CYB5R4: variants seen among roughly 807,000 people sequenced by gnomAD.
CYB5R4 encodes the protein N-terminal cytochrome b5 and cytochrome b5 oxidoreductase domain-containing protein.
Under a neutral mutation model 70.2 loss-of-function variants are expected in CYB5R4, and 55 were observed. The observed-to-expected ratio is 0.78, with a 90% confidence interval of 0.63 to 0.98. CYB5R4 has a LOEUF of 0.98. Among genes scored for constraint, CYB5R4 ranks in the 50% least tolerant of loss-of-function variants. The probability of loss-of-function intolerance (pLI) is 0.00; values close to 1 mark genes in which losing one functional copy is unlikely to be tolerated. For synonymous variants in CYB5R4, 197 were observed against 199.5 expected, an observed-to-expected ratio of 0.99 and a Z score of 0.11; for missense variants, 562 against 612.6, an observed-to-expected ratio of 0.92 and a Z score of 0.87.
At position 83,909,093 on chromosome 6, in the gene CYB5R4, A is replaced by G. The variant is rs1456722938; in HGVS notation, c.412+3A>G. 1 of 1,613,370 alleles carries G rather than the reference A, an allele frequency of 6.2e-7. No homozygotes were observed. Among genetic ancestry groups the G allele is most frequent in the Non-Finnish European group, 8.5e-7 (1 of 1,179,380 alleles). ...CATTAAACCTGCTGTTCTGAAAGGTAAGTGGTGCTGGTGCTAAACCAGCAT... is the reference window on the plus strand; with the variant it reads ...CATTAAACCTGCTGTTCTGAAAGGTGAGTGGTGCTGGTGCTAAACCAGCAT... On this transcript the variant is annotated splice_donor_region_variant and intron_variant, in intron 4 of 15. Transcript: ENST00000369681.
chr6:83,914,506 A>T, intron 5 of CYB5R4, 58 bp downstream of exon 5: 1 of 1,387,012 alleles, frequency 7.2e-7, no homozygotes, highest in South Asian at 1.4e-5. Flanking sequence ...AATAGTATTG[A>T]TACACAGAAT....
chr6:83,893,051 T>A (rs1228311937), intron 2 of CYB5R4, among the ~76,000 whole-genome samples: 2 of 152,204 alleles, frequency 1.3e-5, no homozygotes, highest in Non-Finnish European at 2.9e-5. Context: ...AAAGGACAGC[T>A]TTGCTTACTC....
chr6:83,859,938 C>A, intron 1 of CYB5R4, 81 bp downstream of exon 1: 1 of 1,306,524 alleles, frequency 7.7e-7, no homozygotes, highest in Admixed American at 2.3e-5. Context: ...GCCCCAACTC[C>A]CAGCTCCTGC....
chr6:83,957,536 G>A (rs192500551), intron 15 of CYB5R4, among the ~76,000 whole-genome samples: 320 of 148,210 alleles, frequency 2.2e-3, no homozygotes, highest in African/African-American at 7.7e-3. Context: ...CAGGAGGATC[G>A]CTCGAATCTA....
At chr6:83,874,525 T>C (rs898905100) in intron 2 of CYB5R4, among the ~76,000 whole-genome samples, 1 of 151,694 alleles carries the variant, frequency 6.6e-6, no homozygotes, top group Admixed American at 6.6e-5. Context: ...AGACCTTTTT[T>C]TTTTTTCCCC....
At chr6:83,891,147 A>G (rs182727938) in intron 2 of CYB5R4, among the ~76,000 whole-genome samples, 1 of 152,128 alleles carries the variant, frequency 6.6e-6, no homozygotes, top group Admixed American at 6.6e-5. Flanking sequence ...GGATCTCACT[A>G]TGTTGCCCAG....
intron 2 of CYB5R4, among the ~76,000 whole-genome samples, chr6:83,878,723 A>G (rs1830259304): frequency 6.8e-6 from 1 of 147,646 alleles, no homozygotes; most frequent in Non-Finnish European, 1.5e-5. Context: ...ACACTCAGAC[A>G]TGTAGTACAT....
chr6:83,911,051 A>G (rs770135893), intron 4 of CYB5R4, among the ~76,000 whole-genome samples: 24 of 152,162 alleles, frequency 1.6e-4, no homozygotes, highest in Non-Finnish European at 2.8e-4. Context: ...ATAGTTTAAA[A>G]CTGCAAAAAT....
intron 10 of CYB5R4, among the ~76,000 whole-genome samples, chr6:83,933,103 T>C (rs1031227653): frequency 2.0e-5 from 3 of 152,158 alleles, no homozygotes; most frequent in African/African-American, 7.2e-5. Flanking sequence ...AATAAAGAGA[T>C]CATTTGCACC....
rs1281641915 is a variant in CYB5R4 at position 83,967,055 on chromosome 6, G to A, written c.*7177G>A. 1.3e-5 allele frequency: 2 copies of A among 152,174 alleles called. No homozygotes were observed. The highest frequency in any genetic ancestry group is 3.9e-4 in the East Asian group (2 of 5,192). 9.4% of individuals were successfully genotyped at this position (152,174 alleles called of 1,614,324 possible). On this transcript the variant is annotated 3_prime_UTR_variant, in exon 16 of 16. Coordinates refer to ENST00000369681, the MANE Select transcript of CYB5R4 (RefSeq NM_016230.4). ...GCATTGCCTTATGCTTTAAGAAAGT[G>A]TTGTACCACATTTGATATCCTGATG...
chr6:83,949,987 G>A (rs1471626725), intron 14 of CYB5R4, among the ~76,000 whole-genome samples: 1 of 152,120 alleles, frequency 6.6e-6, no homozygotes, highest in East Asian at 1.9e-4. Context: ...CATCTATTAT[G>A]TACCTGTACA....
At chr6:83,861,862 T>A (rs1041983567) in intron 1 of CYB5R4, among the ~76,000 whole-genome samples, 1 of 152,254 alleles carries the variant, frequency 6.6e-6, no homozygotes, top group Non-Finnish European at 1.5e-5. Context: ...TTGGTCTTTA[T>A]TTAGAAGTCT....
chr6:83,928,540 G>A (rs1389076440), intron 10 of CYB5R4, among the ~76,000 whole-genome samples: 2 of 152,146 alleles, frequency 1.3e-5, no homozygotes, highest in Non-Finnish European at 2.9e-5. Context: ...GACTTTCCAG[G>A]TGGAGCTACA....
chr6:83,952,876 AG>A (rs1305996090), intron 14 of CYB5R4, among the ~76,000 whole-genome samples: 1 of 152,156 alleles, frequency 6.6e-6, no homozygotes, highest in African/African-American at 2.4e-5. Flanking sequence ...TTCTGATGTC[AG>A]TATTGGGACT....
At position 83,901,336 on chromosome 6, in the gene CYB5R4, G is replaced by A. The variant is rs183834120; in HGVS notation, c.331-7673G>A. Among the ~76,000 whole-genome samples the A allele has an allele frequency of 2.2e-3, 330 of 152,280 alleles. 2 individuals are homozygous for A. The highest frequency in any genetic ancestry group is 2.5e-3 in the Non-Finnish European group (170 of 68,014). ...TAGAGTTTCTGCCGAGAGATCAGCT[G>A]TCTGATGGGCTTCCCTTTGTGGGTT... On this transcript the variant is annotated intron_variant, in intron 3 of 15. Coordinates refer to ENST00000369681, the MANE Select transcript of CYB5R4 (RefSeq NM_016230.4).
intron 3 of CYB5R4, among the ~76,000 whole-genome samples, chr6:83,901,659 C>T (rs2099462984): frequency 1.3e-5 from 2 of 151,600 alleles, no homozygotes; most frequent in African/African-American, 4.9e-5. Flanking sequence ...TTGTTCATTT[C>T]TGAGTTCCCT....
intron 3 of CYB5R4, among the ~76,000 whole-genome samples, chr6:83,898,609 T>A (rs1036895055): frequency 6.6e-6 from 1 of 152,236 alleles, no homozygotes; most frequent in Non-Finnish European, 1.5e-5. Context: ...TGGAATGTTC[T>A]TCCATTTGTT....
chr6:83,955,187 C>T, intron 14 of CYB5R4, 111 bp from the exon 15 acceptor site: 1 of 821,076 alleles, frequency 1.2e-6, no homozygotes. Context: ...GTAAGTGTAT[C>T]TTTATATATT....
chr6:83,963,952 T>C lies in CYB5R4; in HGVS notation c.*4074T>C, dbSNP rs2099473699. 2 of 205,900 alleles carry C rather than the reference T, an allele frequency of 9.7e-6. No individual in the cohort carries two copies. Among genetic ancestry groups the C allele is most frequent in the Admixed American group, 1.1e-4 (2 of 17,752 alleles). 12.8% of individuals were successfully genotyped at this position (205,900 alleles called of 1,614,324 possible). ...GTGGTTTTATCAGGGGTTTCCGCTT[T>C]TGCATCTTACTCATTTTCTCTTGCG... On this transcript the variant is annotated 3_prime_UTR_variant, in exon 16 of 16. Transcript: ENST00000369681.
Sources: gnomAD v4.1 joint callset for allele counts (sites outside exome capture counted in the v4.1 genomes callset) on GRCh38, gnomAD v4.1.1 for gene constraint, MANE v1.5 for transcripts, NCBI Gene and HGNC (gene_info 2026-07-23, HGNC 2026-07-21) for gene names.